The following MN1 variants were observed in gnomAD, a reference collection of about 807,000 sequenced individuals.
MN1 encodes transcriptional activator MN1.
Under a neutral mutation model 86.9 loss-of-function variants are expected in MN1, and 19 were observed. The ratio of observed to expected loss-of-function variants is 0.22; its 90% CI spans 0.15 to 0.32. The LOEUF is 0.32. Ranked by LOEUF, MN1 falls within the 10% of genes least tolerant of loss-of-function variation. The pLI is 1.00. For synonymous variants in MN1, 928 were observed against 849.6 expected (o/e 1.09, Z -1.60); for missense variants, 1,841 against 1,862.0 (o/e 0.99, Z 0.21).
intron 1 of MN1, among the ~76,000 whole-genome samples, chr22:27,765,932 G>A (rs1008033144): frequency 3.9e-5 from 6 of 152,144 alleles, no homozygotes; most frequent in African/African-American, 1.4e-4. Context: ...AGCCCCCGGG[G>A]TGCCTGTGCC....
intron 1 of MN1, among the ~76,000 whole-genome samples, chr22:27,755,456 G>C (rs1486025105): frequency 6.6e-6 from 1 of 152,186 alleles, no homozygotes; most frequent in Non-Finnish European, 1.5e-5. Context: ...TGCCCAGCAA[G>C]GAAAGACTGC....
At position 27,797,453 on chromosome 22, in the gene MN1, C is replaced by T. The variant is rs758293540; in HGVS notation, c.3091G>A (p.Gly1031Arg). The change falls in exon 1 of 2, where the codon GGG becomes AGG. Residue 1031 changes from glycine to arginine, a missense_variant. Gly to Arg is a moderately radical substitution (Grantham distance 125). Coordinates refer to ENST00000302326, the MANE Select transcript of MN1 (RefSeq NM_002430.3). ...GGCGAACTACTGTCCGACTTGGCCC[C>T]GCCGTCCAGGGACCCAATGAGGTCC... ...QPDLIGSLDG[G>R]AKSDSSSPNV... 3 of 1,604,160 alleles carry T rather than the reference C, an allele frequency of 1.9e-6. No homozygotes were observed. The highest frequency in any genetic ancestry group is 1.3e-5 in the African/African-American group (1 of 74,922).
chr22:27,754,251 A>G (rs1932788082), intron 1 of MN1, among the ~76,000 whole-genome samples: 1 of 152,218 alleles, frequency 6.6e-6, no homozygotes, highest in Admixed American at 6.5e-5. Flanking sequence ...AGTTACAGCC[A>G]TAAGCGTGCC....
chr22:27,783,951 A>C (rs1464173142), intron 1 of MN1, among the ~76,000 whole-genome samples: 1 of 152,198 alleles, frequency 6.6e-6, no homozygotes, highest in East Asian at 1.9e-4. Flanking sequence ...AAGACTTTCC[A>C]CGATGATGCC....
Position 27,798,327 on chromosome 22 carries a change from C to T in MN1, c.2217G>A (p.Ala739=). ...ACGGAAAGCCCGGCTGGCCCCCGAG[C>T]GCAGACGTAGCAAAGTCCGGCGGCG... ...RPPPPDFATS[A]LGGQPGFPFG... is the part of the protein sequence containing the mutation. The change falls in exon 1 of 2, where the codon GCG becomes GCA. Residue 739 remains alanine (A), a synonymous_variant. Transcript: ENST00000302326. 1 of 1,518,394 alleles carries T rather than the reference C, an allele frequency of 6.6e-7. No homozygotes were observed. Among genetic ancestry groups the T allele is most frequent in the Admixed American group, 2.1e-5 (1 of 48,534 alleles). 94.1% of individuals were successfully genotyped at this position (1,518,394 alleles called of 1,614,324 possible). A position where few individuals can be genotyped will look rare whatever the true frequency, so the allele number is the denominator to read the frequency against.
rs746813569 is a variant in MN1, at chr22:27,797,380, T to C, written c.3164A>G (p.Asn1055Ser). Residue 1055 changes from asparagine (N) to serine (S), a missense_variant, in exon 1 of 2, where the codon AAT (asparagine) becomes AGT (serine). Physicochemically the swap from Asn to Ser is conservative, Grantham distance 46. Transcript: ENST00000302326. Reference sequence around the variant, plus strand: ...AGAGCTGGACGACACCTCGTCCTCATTGGCGTAGCTCGTGCTCACCTCGTC... The same window carrying C: ...AGAGCTGGACGACACCTCGTCCTCACTGGCGTAGCTCGTGCTCACCTCGTC... ...ASDEVSTSYA[N>S]EDEVSSSSDN... 6.2e-7 allele frequency: 1 copy of C among 1,611,532 alleles called. No individual in the cohort carries two copies. The highest frequency in any genetic ancestry group is 8.5e-7 in the Non-Finnish European group (1 of 1,179,914).
At chr22:27,792,419 C>G (rs1329131054) in intron 1 of MN1, among the ~76,000 whole-genome samples, 1 of 150,176 alleles carries the variant, frequency 6.7e-6, no homozygotes, top group Non-Finnish European at 1.5e-5. Context: ...CCAGAAAACC[C>G]AGTGGTAGAA....
rs539445444 is a variant in MN1, at chr22:27,781,375, C to T, written c.3781+15388G>A. The stretch of plus-strand genomic sequence containing the variant: ...GGACATTGAACAGCATCCCTGGCCT[C>T]CACCCATCAGGGACCCATAGCATTC... On this transcript the variant is annotated intron_variant, in intron 1 of 1. Transcript: ENST00000302326. Among the ~76,000 whole-genome samples, 15 of 152,306 alleles carry T rather than the reference C, an allele frequency of 9.8e-5. No homozygotes were observed. In the South Asian group the frequency reaches 3.1e-3, roughly 32 times the overall value.
At chr22:27,776,384 G>A (rs1932978742) in intron 1 of MN1, among the ~76,000 whole-genome samples, 1 of 152,220 alleles carries the variant, frequency 6.6e-6, no homozygotes, top group African/African-American at 2.4e-5. Flanking sequence ...TTAGTCTCCA[G>A]TTTAATTGCC....
chr22:27,764,372 A>C (rs1054959635), intron 1 of MN1, among the ~76,000 whole-genome samples: 7 of 152,172 alleles, frequency 4.6e-5, no homozygotes, highest in Non-Finnish European at 1.0e-4. Flanking sequence ...CCAGGTGCCC[A>C]AGGCAGCTTC....
At chr22:27,795,511 C>A (rs992851108) in intron 1 of MN1, among the ~76,000 whole-genome samples, 3 of 151,804 alleles carry the variant, frequency 2.0e-5, no homozygotes, top group Non-Finnish European at 4.4e-5. Context: ...GCAAGAATTG[C>A]ACTGGGGGGG....
At chr22:27,793,802 A>G (rs1490706659) in intron 1 of MN1, among the ~76,000 whole-genome samples, 1 of 152,226 alleles carries the variant, frequency 6.6e-6, no homozygotes, top group Non-Finnish European at 1.5e-5. Flanking sequence ...CGCCTTGTAC[A>G]GTTCTGAAGA....
In MN1 at chr22:27,799,488, G is replaced by T; in HGVS notation, c.1056C>A (p.Pro352=). 1 of 1,454,018 alleles carries T rather than the reference G, an allele frequency of 6.9e-7. No homozygotes were observed. Among genetic ancestry groups the T allele is most frequent in the Non-Finnish European group, 9.1e-7 (1 of 1,104,366 alleles). 90.1% of individuals were successfully genotyped at this position (1,454,018 alleles called of 1,614,324 possible). A position where few individuals can be genotyped will look rare whatever the true frequency, so the allele number is the denominator to read the frequency against. Residue 352 remains proline, a synonymous_variant, in exon 1 of 2, where the codon CCC becomes CCA. Transcript: ENST00000302326. ...GCTGCTGCTGTGGCGGCTGCTGCGGGGGCTGCTGCTGAGGGGGTGGCGGGG... is the reference window on the plus strand; with the variant it reads ...GCTGCTGCTGTGGCGGCTGCTGCGGTGGCTGCTGCTGAGGGGGTGGCGGGG... The part of the protein sequence containing the change: ...QQAPPPPQQQ[P]PQQPPQQQPP...
chr22:27,799,818 TCCCGAGGGCGCCTCG>T lies in MN1; in HGVS notation c.711_725del (p.Glu238_Gly242del), dbSNP rs1180807398. 6.3e-7 allele frequency: 1 copy of T among 1,596,114 alleles called. No individual in the cohort carries two copies. The highest frequency in any genetic ancestry group is 8.5e-7 in the Non-Finnish European group (1 of 1,170,042). On this transcript the variant is annotated inframe_deletion, in exon 1 of 2. Coordinates refer to ENST00000302326, the MANE Select transcript of MN1 (RefSeq NM_002430.3). ...CAGAGGGCGAAAACATGTCAAAATG[TCCCGAGGGCGCCTCG>T]CCCGGGTAATTGTATTCCAGCGAGT...
Position 27,797,944 on chromosome 22 carries a change from C to G in MN1, c.2600G>C (p.Gly867Ala). The part of the protein sequence containing the change: ...KRKLSQNETD[G>A]AAVAGNPGSD... ...GCCCGGGTTGCCGGCCACTGCCGCGCCGTCGGTCTCGTTCTGGCTCAGTTT... is the reference window on the plus strand; with the variant it reads ...GCCCGGGTTGCCGGCCACTGCCGCGGCGTCGGTCTCGTTCTGGCTCAGTTT... Residue 867 changes from glycine (G) to alanine (A), a missense_variant, in exon 1 of 2, where the codon GGC becomes GCC. Transcript: ENST00000302326. 2.5e-6 allele frequency: 4 copies of G among 1,594,924 alleles called. No homozygotes were observed. Among genetic ancestry groups the G allele is most frequent in the Non-Finnish European group, 3.4e-6 (4 of 1,170,260 alleles).
Position 27,748,672 on chromosome 22 carries a change from T to C in MN1, c.*2243A>G. The C allele has an allele frequency of 4.7e-6, 1 of 214,338 alleles. No individual in the cohort carries two copies. The highest frequency in any genetic ancestry group is 9.4e-6 in the Non-Finnish European group (1 of 105,834). The allele number at this position is 214,338 out of a possible 1,614,324, so 13.3% of individuals were successfully genotyped here. A position where few individuals can be genotyped will look rare whatever the true frequency, so the allele number is the denominator to read the frequency against. ...CCAAATTTAATGAAATAACATCCTTTTGCTTAAGGCTATTTTTAAAGCTGT... is the reference window on the plus strand; with the variant it reads ...CCAAATTTAATGAAATAACATCCTTCTGCTTAAGGCTATTTTTAAAGCTGT... On this transcript the variant is annotated 3_prime_UTR_variant, in exon 2 of 2. Coordinates refer to ENST00000302326, the MANE Select transcript of MN1 (RefSeq NM_002430.3).
chr22:27,763,635 G>A (rs1267861117), intron 1 of MN1, among the ~76,000 whole-genome samples: 2 of 152,190 alleles, frequency 1.3e-5, no homozygotes, highest in African/African-American at 2.4e-5. Context: ...TGGGCCTAGG[G>A]CAGCCTAGAG....
chr22:27,776,589 T>G (rs4822939), intron 1 of MN1, among the ~76,000 whole-genome samples: 96,873 of 151,888 alleles, frequency 0.64, 33,002 homozygotes, highest in African/African-American at 0.88. Context: ...GCTTGGCTGT[T>G]TTTCCCCCAC....
chr22:27,771,360 T>C (rs571162700), intron 1 of MN1, among the ~76,000 whole-genome samples: 72 of 151,602 alleles, frequency 4.7e-4, no homozygotes, highest in East Asian at 1.2e-3. Context: ...TCCAAGTAGC[T>C]GGGACTACAG....
Sources: gnomAD v4.1 joint callset for allele counts (sites outside exome capture counted in the v4.1 genomes callset) on GRCh38, gnomAD v4.1.1 for gene constraint, MANE v1.5 for transcripts, NCBI Gene and HGNC (gene_info 2026-07-23, HGNC 2026-07-21) for gene names.